Variants in PPM1E observed in about 807,000 individuals in gnomAD.
The protein encoded by PPM1E is protein phosphatase, Mg2+/Mn2+ dependent 1E.
A neutral mutation model predicts 65.9 loss-of-function variants in PPM1E; 20 were observed. The observed-to-expected ratio is 0.30, with a 90% CI of 0.21 to 0.44. PPM1E has a LOEUF of 0.44. Among genes scored for constraint, PPM1E ranks in the 20% least tolerant of loss-of-function variants. PPM1E has a pLI of 1.00. For synonymous variants in PPM1E, 352 were observed against 374.9 expected, an observed-to-expected ratio of 0.94 and a Z score of 0.70; for missense variants, 713 against 953.1, an observed-to-expected ratio of 0.75 and a Z score of 3.32.
chr17:58,981,241 A>G lies in PPM1E; in HGVS notation c.*210A>G. 3 of 526,530 alleles carry G rather than the reference A, an allele frequency of 5.7e-6. No homozygotes were observed. The South Asian group carries it at 8.1e-5, about 14-fold the overall frequency. 32.6% of individuals were successfully genotyped at this position (526,530 alleles called of 1,614,324 possible). On this transcript the variant is annotated 3_prime_UTR_variant, in exon 7 of 7. Transcript: ENST00000308249. The stretch of plus-strand genomic sequence containing the variant: ...GGCAGTTTCACTTGCAAAATTACAC[A>G]GCTGGTCCCTGTGATGTGTCTCGAC...
At chr17:58,814,740 C>T (rs2050399574) in intron 1 of PPM1E, among the ~76,000 whole-genome samples, 1 of 152,242 alleles carries the variant, frequency 6.6e-6, no homozygotes, top group African/African-American at 2.4e-5. Flanking sequence ...AAAGCTGTCA[C>T]ACCAACTCAA....
chr17:58,884,087 C>G lies in PPM1E; in HGVS notation c.465-71562C>G, dbSNP rs549554135. On this transcript the variant is annotated intron_variant, in intron 1 of 6. Transcript: ENST00000308249. ...ATGATACCTGCGTCCTCTACTGTAC[C>G]TGGTGTCCTCTAATCTCCAGAGAAT... Among the ~76,000 whole-genome samples, 8 of 152,310 alleles carry G rather than the reference C, an allele frequency of 5.3e-5. No homozygotes were observed. In the South Asian group the frequency reaches 1.5e-3, roughly 28 times the overall value.
chr17:58,851,603 C>T, intron 1 of PPM1E, among the ~76,000 whole-genome samples: 1 of 152,182 alleles, frequency 6.6e-6, no homozygotes, highest in Non-Finnish European at 1.5e-5. Flanking sequence ...GCAAATATTG[C>T]AGAATGGCAG....
intron 1 of PPM1E, among the ~76,000 whole-genome samples, chr17:58,821,416 G>A (rs184429344): frequency 3.9e-5 from 6 of 152,184 alleles, no homozygotes; most frequent in Admixed American, 3.3e-4. Context: ...GGCCAGCTTT[G>A]TATTTTTCTA....
intron 1 of PPM1E, among the ~76,000 whole-genome samples, chr17:58,912,318 C>T (rs1367788594): frequency 2.0e-5 from 3 of 152,170 alleles, no homozygotes; most frequent in Non-Finnish European, 4.4e-5. Flanking sequence ...AAGAAGAATT[C>T]ACTATCTCTG....
chr17:58,975,653 C>G (rs2030952050), intron 6 of PPM1E, among the ~76,000 whole-genome samples: 1 of 152,052 alleles, frequency 6.6e-6, no homozygotes, highest in Admixed American at 6.6e-5. Context: ...GCAACAAGTC[C>G]AGGAGGTTAG....
chr17:58,833,150 C>T (rs2050621569), intron 1 of PPM1E, among the ~76,000 whole-genome samples: 1 of 151,758 alleles, frequency 6.6e-6, no homozygotes, highest in Non-Finnish European at 1.5e-5. Context: ...TGTAGTTCTA[C>T]AGGATTTTAT....
chr17:58,778,444 G>GT (rs2050016289), intron 1 of PPM1E, among the ~76,000 whole-genome samples: 1 of 61,954 alleles, frequency 1.6e-5, no homozygotes, highest in Non-Finnish European at 3.0e-5. Flanking sequence ...GTCTTGCTTT[G>GT]TTTCCCAGCC....
chr17:58,790,424 A>G (rs1598572803), intron 1 of PPM1E, among the ~76,000 whole-genome samples: 1 of 152,098 alleles, frequency 6.6e-6, no homozygotes, highest in African/African-American at 2.4e-5. Context: ...GCCAGTTATG[A>G]TGGTCTATAA....
chr17:58,938,219 TGACTTTA>T, intron 1 of PPM1E, among the ~76,000 whole-genome samples: 1 of 152,332 alleles, frequency 6.6e-6, no homozygotes, highest in Non-Finnish European at 1.5e-5. Flanking sequence ...GGCCTAGAAT[TGACTTTA>T]GAGTTATTTT....
chr17:58,955,580 A>C (rs760636436), intron 1 of PPM1E, 69 bp from the exon 2 acceptor site: 28 of 1,510,958 alleles, frequency 1.9e-5, no homozygotes, highest in Non-Finnish European at 2.6e-5. Flanking sequence ...ATATGTAATT[A>C]TTATAACGTT....
intron 1 of PPM1E, among the ~76,000 whole-genome samples, chr17:58,777,194 C>G (rs921313891): frequency 1.3e-5 from 2 of 152,212 alleles, no homozygotes; most frequent in African/African-American, 4.8e-5. Context: ...CCATTGAACC[C>G]CAGCTTGGGT....
chr17:58,796,703 C>CATA (rs1041174897), intron 1 of PPM1E, among the ~76,000 whole-genome samples: 1 of 152,150 alleles, frequency 6.6e-6, no homozygotes. Context: ...AGTGAACACC[C>CATA]ATATACCCAC....
At chr17:58,814,883 A>C (rs940500304) in intron 1 of PPM1E, among the ~76,000 whole-genome samples, 1 of 152,238 alleles carries the variant, frequency 6.6e-6, no homozygotes, top group Non-Finnish European at 1.5e-5. Context: ...TTTGCTGACT[A>C]CATAGGCCAG....
intron 5 of PPM1E, among the ~76,000 whole-genome samples, 160 bp downstream of exon 5, chr17:58,972,435 C>T (rs1458581404): frequency 6.6e-6 from 1 of 152,052 alleles, no homozygotes; most frequent in Non-Finnish European, 1.5e-5. Context: ...ACTGCAACCT[C>T]CGCCTCCTGG....
At chr17:58,837,827 C>T (rs763304944) in intron 1 of PPM1E, among the ~76,000 whole-genome samples, 10 of 152,232 alleles carry the variant, frequency 6.6e-5, no homozygotes, top group East Asian at 5.8e-4. Context: ...ATATGTGCTA[C>T]GCATTTGCTA....
chr17:58,856,643 T>G (rs1016326117), intron 1 of PPM1E, among the ~76,000 whole-genome samples: 2 of 152,184 alleles, frequency 1.3e-5, no homozygotes, highest in Admixed American at 1.3e-4. Flanking sequence ...AAAGTGAGTC[T>G]TAATCCATTA....
chr17:58,873,565 G>GTATTAT (rs140125879), intron 1 of PPM1E, among the ~76,000 whole-genome samples: 34,119 of 139,756 alleles, frequency 0.24, 4,477 homozygotes, highest in East Asian at 0.33. Context: ...AATGCTCATA[G>GTATTAT]TATTATTATT....
At chr17:58,907,086 C>CA (rs918821600) in intron 1 of PPM1E, among the ~76,000 whole-genome samples, 2 of 151,244 alleles carry the variant, frequency 1.3e-5, no homozygotes, top group African/African-American at 4.9e-5. Context: ...AATACACACA[C>CA]AAAAAAAAAT....
Sources: allele counts gnomAD v4.1 joint callset (sites outside exome capture counted in the v4.1 genomes callset), GRCh38; gene constraint gnomAD v4.1.1; transcripts MANE v1.5; gene names NCBI Gene and HGNC (gene_info 2026-07-23, HGNC 2026-07-21).